SLC24A4: variants seen among roughly 807,000 people sequenced by gnomAD.
The protein encoded by SLC24A4 is solute carrier family 24 member 4, also known as sodium/potassium/calcium exchanger 4.
A neutral mutation model predicts 79.0 loss-of-function variants in SLC24A4; 53 were observed. The ratio of observed to expected loss-of-function variants is 0.67; its 90% CI spans 0.54 to 0.84. The LOEUF is 0.84. Ranked by LOEUF, SLC24A4 falls within the 40% of genes least tolerant of loss-of-function variation. The pLI is 0.00. For missense variants in SLC24A4, 731 were observed against 822.0 expected (o/e 0.89, Z 1.35); for synonymous variants, 323 against 323.8 (o/e 1.00, Z 0.03).
intron 2 of SLC24A4, among the ~76,000 whole-genome samples, chr14:92,345,053 G>A (rs1886447014): frequency 6.6e-6 from 1 of 152,196 alleles, no homozygotes; most frequent in East Asian, 1.9e-4. Flanking sequence ...CCTGGCTGAG[G>A]GGCAGATAGA....
chr14:92,373,487 C>T (rs368260582), intron 2 of SLC24A4, among the ~76,000 whole-genome samples: 8 of 152,318 alleles, frequency 5.3e-5, no homozygotes, highest in East Asian at 3.9e-4. Flanking sequence ...TGATGGGCTA[C>T]GGCCCCTACT....
chr14:92,418,953 T>G (rs1360962318), intron 2 of SLC24A4, among the ~76,000 whole-genome samples: 1 of 152,142 alleles, frequency 6.6e-6, no homozygotes, highest in Non-Finnish European at 1.5e-5. Context: ...CCACCCACCT[T>G]GGCCTCCCAA....
At chr14:92,458,870 C>T (rs1464623890) in intron 12 of SLC24A4, among the ~76,000 whole-genome samples, 1 of 152,184 alleles carries the variant, frequency 6.6e-6, no homozygotes, top group African/African-American at 2.4e-5. Context: ...GGCCAGAGTG[C>T]CAGAGCAGGC....
At chr14:92,492,304 G>A (rs143896501) in intron 16 of SLC24A4, 64 bp downstream of exon 16, 106 of 1,482,360 alleles carry the variant, frequency 7.2e-5, no homozygotes, top group Non-Finnish European at 8.7e-5. Flanking sequence ...ATTCCGCCTC[G>A]TCACTTACGT....
intron 2 of SLC24A4, among the ~76,000 whole-genome samples, chr14:92,391,081 G>A (rs66483024): frequency 0.069 from 10,566 of 152,158 alleles, 514 homozygotes; most frequent in Non-Finnish European, 0.097. Context: ...GGAACATGTC[G>A]CTTCCACCGG....
At chr14:92,326,045 T>C (rs1885109547) in intron 2 of SLC24A4, 67 bp downstream of exon 2, 1 of 1,138,696 alleles carries the variant, frequency 8.8e-7, no homozygotes, top group Non-Finnish European at 1.3e-6. Context: ...ATGGCGCTTA[T>C]GTGGGTGGTT....
chr14:92,363,827 TAAA>T (rs139830062), intron 2 of SLC24A4, among the ~76,000 whole-genome samples: 1 of 145,802 alleles, frequency 6.9e-6, no homozygotes, highest in South Asian at 2.2e-4. Context: ...AGACTCCGTC[TAAA>T]AAAAAAAAGA....
intron 2 of SLC24A4, among the ~76,000 whole-genome samples, chr14:92,362,300 T>G (rs920513405): frequency 6.6e-6 from 1 of 152,116 alleles, no homozygotes. Flanking sequence ...GATGCCTGAA[T>G]GGAGGAACCT....
chr14:92,341,402 C>T (rs1166109533), intron 2 of SLC24A4, among the ~76,000 whole-genome samples: 1 of 152,168 alleles, frequency 6.6e-6, no homozygotes, highest in Non-Finnish European at 1.5e-5. Flanking sequence ...CTGGAGAAGC[C>T]CGGTGCCCAG....
In SLC24A4 at chr14:92,428,036, G is replaced by A. The variant is rs112450147; in HGVS notation, c.242-5876G>A. 2.3e-3 allele frequency among the ~76,000 whole-genome samples: 355 copies of A among 152,264 alleles called. 8 individuals carry two copies. The East Asian group carries it at 0.038, about 16-fold the overall frequency. ...CCAGTGCCTTCGTCTTGGACCCTCC[G>A]GCCTCCAGAACTGTGAGAAATAAAT... is the stretch of plus-strand genomic sequence containing the variant. On this transcript the variant is annotated intron_variant, in intron 2 of 16. Coordinates refer to ENST00000532405, the MANE Select transcript of SLC24A4 (RefSeq NM_153646.4).
intron 2 of SLC24A4, among the ~76,000 whole-genome samples, chr14:92,365,198 C>T (rs868492793): frequency 5.3e-5 from 8 of 152,264 alleles, no homozygotes; most frequent in East Asian, 1.9e-4. Context: ...TGTGTGCCGT[C>T]GTTGGCTTAT....
At chr14:92,326,129 T>G (rs1389109420) in intron 2 of SLC24A4, 151 bp downstream of exon 2, 2 of 574,608 alleles carry the variant, frequency 3.5e-6, no homozygotes, top group Non-Finnish European at 3.1e-6. Flanking sequence ...AAAGGTAACA[T>G]AAAGACATTC....
rs17128206 is a variant in SLC24A4 at position 92,353,752 on chromosome 14, G to A, written c.241+27774G>A. Among the ~76,000 whole-genome samples, 2,899 of 152,236 alleles carry A rather than the reference G, an allele frequency of 0.019. 91 individuals carry two copies. Among genetic ancestry groups the A allele is most frequent in the African/African-American group, 0.066 (2,725 of 41,516 alleles). On this transcript the variant is annotated intron_variant, in intron 2 of 16. Coordinates refer to ENST00000532405, the MANE Select transcript of SLC24A4 (RefSeq NM_153646.4). The surrounding 1 kb of genome is among the most constrained non-coding windows in gnomAD (Gnocchi z 4.1). Reference sequence around the variant, plus strand: ...TACTTGGGCTGTGTTGTCAGAAAAGGGATTGTCGTGGTCAGGTTCCCCAGA... The same window carrying A: ...TACTTGGGCTGTGTTGTCAGAAAAGAGATTGTCGTGGTCAGGTTCCCCAGA...
intron 2 of SLC24A4, among the ~76,000 whole-genome samples, chr14:92,368,569 C>T (rs1887982310): frequency 6.6e-6 from 1 of 152,102 alleles, no homozygotes; most frequent in African/African-American, 2.4e-5. Context: ...CTCAGAAGCC[C>T]ATTACAGGAA....
At chr14:92,464,790 C>A (rs548477698) in intron 12 of SLC24A4, among the ~76,000 whole-genome samples, 2 of 152,200 alleles carry the variant, frequency 1.3e-5, no homozygotes, top group African/African-American at 4.8e-5. Context: ...TCCCCTTACA[C>A]GGGCGTTGTA....
At chr14:92,361,822 G>T (rs1051382533) in intron 2 of SLC24A4, among the ~76,000 whole-genome samples, 4 of 152,058 alleles carry the variant, frequency 2.6e-5, no homozygotes, top group East Asian at 3.9e-4. Flanking sequence ...TTGATTTTGA[G>T]GTCTCCATGA....
chr14:92,339,789 C>T (rs532265881), intron 2 of SLC24A4, among the ~76,000 whole-genome samples: 1 of 152,288 alleles, frequency 6.6e-6, no homozygotes, highest in Middle Eastern at 3.4e-3. Flanking sequence ...CTGCTGGCAA[C>T]GTGGAGAGTA....
At chr14:92,476,801 A>G (rs957842010) in intron 12 of SLC24A4, among the ~76,000 whole-genome samples, 4 of 152,112 alleles carry the variant, frequency 2.6e-5, no homozygotes, top group Non-Finnish European at 5.9e-5. Context: ...GAATCTATCA[A>G]TATATGGCCT....
chr14:92,467,641 A>G (rs2139881104), intron 12 of SLC24A4, among the ~76,000 whole-genome samples: 1 of 152,274 alleles, frequency 6.6e-6, no homozygotes, highest in East Asian at 1.9e-4. Flanking sequence ...TGCCCTAGAA[A>G]TTCACTCCAT....
Sources: allele counts gnomAD v4.1 joint callset (sites outside exome capture counted in the v4.1 genomes callset), GRCh38; gene constraint gnomAD v4.1.1; non-coding constraint Gnocchi (gnomAD v3.1); transcripts MANE v1.5; gene names NCBI Gene and HGNC (gene_info 2026-07-23, HGNC 2026-07-21).